Variants in TASOR2 observed in about 807,000 individuals in gnomAD.
TASOR2 encodes protein TASOR 2.
Under a neutral mutation model 199.5 loss-of-function variants are expected in TASOR2, and 84 were observed. The ratio of observed to expected loss-of-function variants is 0.42; its 90% CI spans 0.35 to 0.50. TASOR2 has a LOEUF of 0.50. Ranked by LOEUF, TASOR2 falls within the 20% of genes least tolerant of loss-of-function variation. The pLI is 0.02. For synonymous variants in TASOR2, 1,103 were observed against 1,046.6 expected, an observed-to-expected ratio of 1.05 and a Z score of -1.04; for missense variants, 2,796 against 2,835.9, an observed-to-expected ratio of 0.99 and a Z score of 0.32.
At chr10:5,756,818 T>C (rs993441131) in intron 16 of TASOR2, 80 bp downstream of exon 17, 4 of 1,463,352 alleles carry the variant, frequency 2.7e-6, no homozygotes, top group African/African-American at 2.8e-5. Context: ...TCCCTCTTTT[T>C]TTATGTAGAA....
At chr10:5,749,405 C>G in exon 15 of TASOR2, 4 of 1,614,218 alleles carry the variant, frequency 2.5e-6, no homozygotes, top group Non-Finnish European at 3.4e-6. Flanking sequence ...AATGGGGATT[C>G]TCAGCATTCT....
chr10:5,748,555 A>G lies in TASOR2; in HGVS notation c.5134A>G (p.Thr1712Ala), dbSNP rs1837549042. Residue 1712 changes from threonine (T) to alanine (A), a missense_variant, in exon 15 of 21, where the codon ACT (threonine) becomes GCT (alanine). Thr to Ala is a moderately conservative substitution (Grantham distance 58). Transcript: ENST00000328090. The surrounding 1 kb of genome is among the most constrained non-coding windows in gnomAD (Gnocchi z 5.1). ...ACATAAAGAAACCACAGGTCCAGGC[A>G]CTGCTGGCCCTCAGTCCAACACCAC... 1 of 1,613,486 alleles carries G rather than the reference A, an allele frequency of 6.2e-7. No individual in the cohort carries two copies. The highest frequency in any genetic ancestry group is 1.1e-5 in the South Asian group (1 of 91,086).
chr10:5,737,470 T>C lies in TASOR2; in HGVS notation c.1447+1924T>C, dbSNP rs2669134. On this transcript the variant is annotated intron_variant, in intron 12 of 20. Coordinates refer to ENST00000328090, the Ensembl canonical transcript of TASOR2. This position sits in a 1 kb window ranked among gnomAD's most constrained non-coding sequence, Gnocchi z 4.9. ...CTCTCGGGAGTTTATGGTGTGGCTG[T>C]ACCTCCCCTCTCTGCGTTGTGCCTC... Among the ~76,000 whole-genome samples, 150,638 of 151,410 alleles carry C rather than the reference T, an allele frequency of 0.99. 74,941 individuals carry two copies. Among genetic ancestry groups the C allele is most frequent in the East Asian group, 1 (5,062 of 5,062 alleles).
chr10:5,692,283 G>A (rs1025594953), intron 1 of TASOR2, among the ~76,000 whole-genome samples: 72 of 152,230 alleles, frequency 4.7e-4, no homozygotes, highest in African/African-American at 1.7e-3. Flanking sequence ...TAAATGATGT[G>A]GGACGAAGAG....
chr10:5,747,398 CG>C lies in TASOR2; in HGVS notation c.3979del (p.Glu1327LysfsTer11). The C allele has an allele frequency of 6.2e-7, 1 of 1,614,024 alleles. No homozygotes were observed. The highest frequency in any genetic ancestry group is 1.1e-5 in the South Asian group (1 of 91,074). On this transcript the variant is annotated frameshift_variant, in exon 15 of 21. Coordinates refer to ENST00000328090, the Ensembl canonical transcript of TASOR2. LOFTEE classifies it high-confidence loss of function. ...GATGTAGCTGAGGAAATAGGTGAAC[CG>C]GAAGAGGTGGCTCTCACAGAAAGCA... is the stretch of plus-strand genomic sequence containing the variant.
chr10:5,718,777 AAGT>A (rs1588705276), intron 3 of TASOR2, among the ~76,000 whole-genome samples: 8 of 151,356 alleles, frequency 5.3e-5, no homozygotes, highest in Admixed American at 5.3e-4. Context: ...AAAAAAAAAA[AAGT>A]GGTGGGGGAG....
intron 1 of TASOR2, among the ~76,000 whole-genome samples, chr10:5,695,115 T>G (rs968601269): frequency 2.0e-5 from 3 of 152,338 alleles, no homozygotes; most frequent in Admixed American, 1.3e-4. Context: ...TTTCTGAGTT[T>G]CGGAACAGAT....
rs963702243 is a variant in TASOR2, at chr10:5,722,833, C to T, written c.147-844C>T. 1.3e-5 allele frequency among the ~76,000 whole-genome samples: 2 copies of T among 151,922 alleles called. No individual in the cohort carries two copies. Among genetic ancestry groups the T allele is most frequent in the Admixed American group, 6.6e-5 (1 of 15,262 alleles). On this transcript the variant is annotated intron_variant, in intron 6 of 20. Transcript: ENST00000328090. The surrounding 1 kb of genome is among the most constrained non-coding windows in gnomAD (Gnocchi z 4.0). Reference sequence around the variant, plus strand: ...AACCAGCCTGGCCAATACGGTGAAACGCTGTCTCCACTGAAAATACAAAAA... The same window carrying T: ...AACCAGCCTGGCCAATACGGTGAAATGCTGTCTCCACTGAAAATACAAAAA...
intron 17 of TASOR2, 91 bp from the exon 19 acceptor site, chr10:5,758,796 C>T (rs1839352243): frequency 7.5e-6 from 7 of 930,758 alleles, no homozygotes; most frequent in Admixed American, 6.7e-5. Context: ...CTGTTTTTTT[C>T]TTGTTTTACA....
rs944308270 is a variant in TASOR2, at chr10:5,760,389, G to A, written c.6993-901G>A. On this transcript the variant is annotated intron_variant, in intron 18 of 20. Transcript: ENST00000328090. ...ACCACTCTGGCATTATGTAACAGGCGTTATGTATTATTGAGAACTCATTAG... is the reference window on the plus strand; with the variant it reads ...ACCACTCTGGCATTATGTAACAGGCATTATGTATTATTGAGAACTCATTAG... Among the ~76,000 whole-genome samples the A allele has an allele frequency of 3.9e-5, 6 of 152,066 alleles. No individual in the cohort carries two copies. In the East Asian group the frequency reaches 5.8e-4, roughly 15 times the overall value.
At chr10:5,756,803 A>T in intron 16 of TASOR2, 65 bp downstream of exon 17, 1 of 1,520,862 alleles carries the variant, frequency 6.6e-7, no homozygotes, top group Non-Finnish European at 8.9e-7. Flanking sequence ...TAATGCTCAG[A>T]CTCATCCCTC....
chr10:5,686,693 ATATCT>A (rs1361164250), intron 1 of TASOR2, among the ~76,000 whole-genome samples: 8 of 152,236 alleles, frequency 5.3e-5, no homozygotes, highest in Admixed American at 3.9e-4. Flanking sequence ...TATTTTTAAA[ATATCT>A]TAGCCACCTA....
intron 17 of TASOR2, among the ~76,000 whole-genome samples, chr10:5,757,906 C>T (rs1301002289): frequency 6.6e-6 from 1 of 152,072 alleles, no homozygotes; most frequent in Non-Finnish European, 1.5e-5. Flanking sequence ...TCTGAGTTCC[C>T]TCCCTCTCGG....
chr10:5,702,427 C>T (rs1458592730), intron 1 of TASOR2, among the ~76,000 whole-genome samples: 1 of 152,068 alleles, frequency 6.6e-6, no homozygotes, highest in Non-Finnish European at 1.5e-5. Flanking sequence ...ATTGTCTCCT[C>T]TGGTGTTAGT....
chr10:5,691,017 C>T (rs1002165429), intron 1 of TASOR2, among the ~76,000 whole-genome samples: 2 of 151,792 alleles, frequency 1.3e-5, no homozygotes, highest in African/African-American at 4.8e-5. Context: ...ATGGTGAAAC[C>T]CTGTCACTAC....
Position 5,750,039 on chromosome 10 carries a change from G to T in TASOR2, c.6606+12G>T. 6.4e-7 allele frequency: 1 copy of T among 1,572,788 alleles called. No individual in the cohort carries two copies. The highest frequency in any genetic ancestry group is 8.6e-7 in the Non-Finnish European group (1 of 1,160,900). ...TTGTAAGAACAAAGGTAAAGTGCCAGCCACGTCTTACGTATTATTTTAATT... is the reference window on the plus strand; with the variant it reads ...TTGTAAGAACAAAGGTAAAGTGCCATCCACGTCTTACGTATTATTTTAATT... On this transcript the variant is annotated intron_variant, in intron 15 of 20. Coordinates refer to ENST00000328090, the Ensembl canonical transcript of TASOR2. This position sits in a 1 kb window ranked among gnomAD's most constrained non-coding sequence, Gnocchi z 5.4.
exon 15 of TASOR2, chr10:5,747,854 A>C: frequency 6.2e-7 from 1 of 1,613,826 alleles, no homozygotes; most frequent in Non-Finnish European, 8.5e-7. Context: ...GTCTCTGCCG[A>C]AATGCCTCTA....
intron 11 of TASOR2, among the ~76,000 whole-genome samples, chr10:5,734,408 A>G (rs1835270491): frequency 6.6e-6 from 1 of 152,184 alleles, no homozygotes; most frequent in Non-Finnish European, 1.5e-5. Flanking sequence ...ATCATTGTGT[A>G]AGATAGCAGA....
Position 5,717,650 on chromosome 10 carries a change from C to G in TASOR2, c.-191-9C>G, listed in dbSNP as rs1004542853. ...TCTGCTGCTTAATCTATATTTTATACTTTTACAGGTGTATACATTTCCAAA... is the reference window on the plus strand; with the variant it reads ...TCTGCTGCTTAATCTATATTTTATAGTTTTACAGGTGTATACATTTCCAAA... On this transcript the variant is annotated splice_polypyrimidine_tract_variant and intron_variant, in intron 2 of 20. Coordinates refer to ENST00000328090, the Ensembl canonical transcript of TASOR2. 1 of 1,168,304 alleles carries G rather than the reference C, an allele frequency of 8.6e-7. No homozygotes were observed. The highest frequency in any genetic ancestry group is 4.2e-5 in the Admixed American group (1 of 23,614). 72.4% of individuals were successfully genotyped at this position (1,168,304 alleles called of 1,614,324 possible). A position where few individuals can be genotyped will look rare whatever the true frequency, so the allele number is the denominator to read the frequency against.
Sources: gnomAD v4.1 joint callset for allele counts (sites outside exome capture counted in the v4.1 genomes callset) on GRCh38, gnomAD v4.1.1 for gene constraint, Gnocchi (gnomAD v3.1) non-coding constraint, MANE v1.5 for transcripts, NCBI Gene and HGNC (gene_info 2026-07-23, HGNC 2026-07-21) for gene names.